Variants in FHIT observed in about 807,000 individuals in gnomAD.
FHIT encodes bis(5'-adenosyl)-triphosphatase.
Under a neutral mutation model 17.9 loss-of-function variants are expected in FHIT, and 19 were observed. The ratio of observed to expected loss-of-function variants is 1.06; its 90% CI spans 0.74 to 1.56. The LOEUF (loss-of-function observed/expected upper bound fraction) is 1.56. FHIT is among the 40% of genes most tolerant of loss of function. The probability of loss-of-function intolerance (pLI) is 0.00; values close to 1 mark genes in which losing one functional copy is unlikely to be tolerated. For missense variants in FHIT, 248 were observed against 189.2 expected (o/e 1.31, Z -1.82); for synonymous variants, 81 against 69.7 (o/e 1.16, Z -0.81).
At chr3:60,978,329 C>A (rs1710349661) in intron 3 of FHIT, among the ~76,000 whole-genome samples, 1 of 152,136 alleles carries the variant, frequency 6.6e-6, no homozygotes, top group South Asian at 2.1e-4. Flanking sequence ...AGTTGGTGAT[C>A]TTGTTAAAAT....
intron 5 of FHIT, among the ~76,000 whole-genome samples, chr3:60,159,653 T>C (rs1356431314): frequency 6.6e-6 from 1 of 152,180 alleles, no homozygotes; most frequent in Admixed American, 6.5e-5. Flanking sequence ...CTTTTATACA[T>C]CTATTAATTT....
chr3:60,075,451 G>C (rs1433089443), intron 5 of FHIT, among the ~76,000 whole-genome samples: 1 of 152,100 alleles, frequency 6.6e-6, no homozygotes, highest in Non-Finnish European at 1.5e-5. Flanking sequence ...TAATACAATA[G>C]AACTCCATGA....
In FHIT at chr3:60,659,488, A is replaced by C. The variant is rs560994407; in HGVS notation, c.-17-122509T>G. Among the ~76,000 whole-genome samples the C allele has an allele frequency of 2.6e-5, 4 of 152,110 alleles. No homozygotes were observed. In the East Asian group the frequency reaches 7.7e-4, roughly 29 times the overall value. On this transcript the variant is annotated intron_variant, in intron 4 of 9. Transcript: ENST00000492590. ...TTTTTTCTTTCTGTTCCTAAGACTC[A>C]TAATTTCCTTGTCCTATCTTCAAGT... is the stretch of plus-strand genomic sequence containing the variant.
intron 5 of FHIT, among the ~76,000 whole-genome samples, chr3:60,149,004 T>C (rs867546457): frequency 1.3e-5 from 2 of 152,184 alleles, no homozygotes; most frequent in Admixed American, 6.5e-5. Context: ...AAGAGGAGGT[T>C]CCCTACGGTC....
intron 8 of FHIT, among the ~76,000 whole-genome samples, chr3:59,833,952 A>G (rs997903388): frequency 3.3e-5 from 5 of 152,150 alleles, no homozygotes; most frequent in Admixed American, 1.3e-4. Context: ...CACCATGACT[A>G]TAAGTTTCCT....
chr3:60,220,856 C>T (rs959695403), intron 5 of FHIT, among the ~76,000 whole-genome samples: 1 of 152,106 alleles, frequency 6.6e-6, no homozygotes, highest in Non-Finnish European at 1.5e-5. Context: ...AAGCCACAGT[C>T]GATGCCATTT....
intron 8 of FHIT, among the ~76,000 whole-genome samples, chr3:59,757,697 G>C (rs746089874): frequency 6.6e-6 from 1 of 152,032 alleles, no homozygotes; most frequent in East Asian, 1.9e-4. Context: ...ATATAAACTT[G>C]GATGTTTTTA....
chr3:61,100,682 G>A (rs976003176), intron 2 of FHIT, among the ~76,000 whole-genome samples: 13 of 152,202 alleles, frequency 8.5e-5, no homozygotes, highest in African/African-American at 2.9e-4. Context: ...CACCAATAGT[G>A]TAAAAGCATT....
intron 3 of FHIT, among the ~76,000 whole-genome samples, chr3:60,868,637 A>T (rs17064090): frequency 6.6e-6 from 1 of 152,244 alleles, no homozygotes; most frequent in Admixed American, 6.5e-5. Flanking sequence ...TTTGTAACAT[A>T]TTTCTGAATG....
chr3:60,829,363 T>A (rs72886241), intron 3 of FHIT, among the ~76,000 whole-genome samples: 3,619 of 152,308 alleles, frequency 0.024, 133 homozygotes, highest in African/African-American at 0.081. Context: ...ATGTTACATA[T>A]GCCAAATAAT....
At chr3:60,948,739 T>A (rs1314450269) in intron 3 of FHIT, among the ~76,000 whole-genome samples, 3 of 152,260 alleles carry the variant, frequency 2.0e-5, no homozygotes, top group Admixed American at 6.5e-5. Context: ...ATAACCAAAA[T>A]TTTTTTAAAA....
At chr3:60,719,436 G>C (rs745930546) in intron 4 of FHIT, among the ~76,000 whole-genome samples, 2 of 152,136 alleles carry the variant, frequency 1.3e-5, no homozygotes, top group Admixed American at 1.3e-4. Context: ...TTAGCCTGCT[G>C]TATAACTCTC....
chr3:59,818,856 T>C (rs546276044), intron 8 of FHIT, among the ~76,000 whole-genome samples: 30 of 152,318 alleles, frequency 2.0e-4, no homozygotes, highest in Non-Finnish European at 3.2e-4. Flanking sequence ...AGAAATGCTT[T>C]CCTTCCCAGC....
intron 5 of FHIT, among the ~76,000 whole-genome samples, chr3:60,326,329 G>A (rs1029884303): frequency 3.3e-5 from 5 of 152,080 alleles, no homozygotes; most frequent in African/African-American, 1.2e-4. Context: ...CCCATCTGGG[G>A]GTGATGGGAG....
intron 5 of FHIT, among the ~76,000 whole-genome samples, chr3:60,190,069 G>C (rs1006928265): frequency 6.6e-6 from 1 of 152,122 alleles, no homozygotes; most frequent in Non-Finnish European, 1.5e-5. Context: ...CTTTTCAGTA[G>C]GGAAAAACTA....
intron 3 of FHIT, among the ~76,000 whole-genome samples, chr3:61,029,477 A>G (rs559730116): frequency 2.0e-5 from 3 of 152,324 alleles, no homozygotes; most frequent in South Asian, 2.1e-4. Context: ...AGCTCAGATA[A>G]TAGGAGGATG....
At chr3:60,790,551 GT>G (rs1700739835) in intron 4 of FHIT, among the ~76,000 whole-genome samples, 1 of 152,146 alleles carries the variant, frequency 6.6e-6, no homozygotes, top group Non-Finnish European at 1.5e-5. Flanking sequence ...GAAACCTGCA[GT>G]TTTTCCAACT....
intron 3 of FHIT, among the ~76,000 whole-genome samples, chr3:61,001,813 C>T (rs750688649): frequency 1.3e-5 from 2 of 152,120 alleles, no homozygotes; most frequent in Non-Finnish European, 2.9e-5. Flanking sequence ...CAAATGAGTA[C>T]CTGCATAACT....
At chr3:59,918,314 G>A (rs1229496051) in intron 8 of FHIT, among the ~76,000 whole-genome samples, 2 of 152,082 alleles carry the variant, frequency 1.3e-5, no homozygotes, top group South Asian at 4.1e-4. Flanking sequence ...ACACATAATT[G>A]GGGGATGCAG....
Sources: gnomAD v4.1 joint callset for allele counts (sites outside exome capture counted in the v4.1 genomes callset) on GRCh38, gnomAD v4.1.1 for gene constraint, MANE v1.5 for transcripts, NCBI Gene and HGNC (gene_info 2026-07-23, HGNC 2026-07-21) for gene names.